ADGRG7: variants seen among roughly 807,000 people sequenced by gnomAD.
ADGRG7 encodes the protein adhesion G protein-coupled receptor G7, also known as G-protein coupled receptor 128.
In ADGRG7, 82 loss-of-function variants were observed where a neutral mutation model predicts 88.6. The observed-to-expected ratio is 0.93, with a 90% CI of 0.77 to 1.11. The LOEUF (loss-of-function observed/expected upper bound fraction) is 1.11, where lower values mean the gene tolerates loss of function less well. Among genes scored for constraint, ADGRG7 ranks in the 50% most tolerant of loss-of-function variants. The probability of loss-of-function intolerance (pLI) is 0.00; values close to 1 mark genes in which losing one functional copy is unlikely to be tolerated. For synonymous variants in ADGRG7, 381 were observed against 345.2 expected (o/e 1.10, Z -1.15); for missense variants, 945 against 953.4 (o/e 0.99, Z 0.12).
chr3:100,645,730 C>T (rs1250464052), intron 8 of ADGRG7, among the ~76,000 whole-genome samples: 1 of 149,906 alleles, frequency 6.7e-6, no homozygotes, highest in Non-Finnish European at 1.5e-5. Context: ...AACTGAAGCT[C>T]AGAAAAAAAA....
In ADGRG7 at chr3:100,646,488, G is replaced by C. The variant is rs74779184; in HGVS notation, c.1111-81G>C. 7.9e-3 allele frequency: 8,326 copies of C among 1,055,926 alleles called. 63 individuals are homozygous for C. Among genetic ancestry groups the C allele is most frequent in the South Asian group, 0.014 (846 of 62,118 alleles). The allele number at this position is 1,055,926 out of a possible 1,614,324, so 65.4% of individuals were successfully genotyped here. On this transcript the variant is annotated intron_variant, in intron 9 of 15. Transcript: ENST00000273352. The stretch of plus-strand genomic sequence containing the variant: ...TATATATTTAATTCATTTCTCAGAT[G>C]ACTGTCTTATACTACTTGATTTTTT...
At chr3:100,629,842 G>A (rs1707435968) in intron 2 of ADGRG7, 131 bp downstream of exon 2, 17 of 622,620 alleles carry the variant, frequency 2.7e-5, no homozygotes, top group Admixed American at 5.7e-5. Flanking sequence ...ATGGCTTTAG[G>A]ATGTGTTTAT....
At chr3:100,629,750 G>C (rs371934429) in intron 2 of ADGRG7, 39 bp downstream of exon 2, 1 of 1,325,164 alleles carries the variant, frequency 7.5e-7, no homozygotes, top group Admixed American at 1.7e-5. Context: ...TAAGGTTTAC[G>C]TCACTCTTGT....
chr3:100,623,355 C>T (rs921628341), intron 1 of ADGRG7, among the ~76,000 whole-genome samples: 13 of 151,986 alleles, frequency 8.6e-5, no homozygotes, highest in South Asian at 2.1e-4. Context: ...TGCCTTGGTA[C>T]GTCTTTAAAA....
chr3:100,689,976 A>G (rs1041243255), intron 15 of ADGRG7, among the ~76,000 whole-genome samples: 3 of 152,184 alleles, frequency 2.0e-5, no homozygotes, highest in African/African-American at 7.2e-5. Flanking sequence ...GTGTTTTCCA[A>G]CTTGGTTCCT....
Position 100,633,396 on chromosome 3 carries a change from T to C in ADGRG7, c.447+19T>C. ...AAAGCAGGTATGCCATATGACTCAC[T>C]GATGGGCAACTGGAAGAAGTTCTGA... On this transcript the variant is annotated intron_variant, in intron 4 of 15. Coordinates refer to ENST00000273352, the MANE Select transcript of ADGRG7 (RefSeq NM_032787.3). 1 of 1,380,962 alleles carries C rather than the reference T, an allele frequency of 7.2e-7. No homozygotes were observed. The highest frequency in any genetic ancestry group is 1.0e-6 in the Non-Finnish European group (1 of 998,330). The allele number at this position is 1,380,962 out of a possible 1,614,324, so 85.5% of individuals were successfully genotyped here.
chr3:100,685,115 C>A (rs1023108032), intron 15 of ADGRG7, among the ~76,000 whole-genome samples: 11 of 152,030 alleles, frequency 7.2e-5, no homozygotes, highest in Admixed American at 5.9e-4. Flanking sequence ...GACTTCCTTA[C>A]TTTAAGGAAA....
At chr3:100,691,220 G>T (rs962743335) in intron 15 of ADGRG7, among the ~76,000 whole-genome samples, 2 of 152,218 alleles carry the variant, frequency 1.3e-5, no homozygotes, top group Admixed American at 1.3e-4. Flanking sequence ...GAAAAGTGCG[G>T]TATTAGGGTG....
rs1311395559 is a variant in ADGRG7 at position 100,655,932 on chromosome 3, G to A, written c.1760G>A (p.Gly587Glu). Reference protein sequence around the residue: ...VPAIVVAITVGVIYSQNGNNP... With the variant: ...VPAIVVAITVEVIYSQNGNNP... ...GCTATAGTAGTGGCTATAACAGTGG[G>A]AGTTATTTATTCTCAGAATGGAAAT... The change falls in exon 13 of 16, where the codon GGA becomes GAA. Residue 587 changes from glycine to glutamate, a missense_variant. By Grantham distance (98) the Gly-to-Glu change is moderately conservative. Coordinates refer to ENST00000273352, the MANE Select transcript of ADGRG7 (RefSeq NM_032787.3). The A allele has an allele frequency of 6.2e-7, 1 of 1,607,168 alleles. No homozygotes were observed. The highest frequency in any genetic ancestry group is 8.5e-7 in the Non-Finnish European group (1 of 1,174,022).
intron 13 of ADGRG7, among the ~76,000 whole-genome samples, chr3:100,658,300 T>G (rs772482373): frequency 6.6e-6 from 1 of 152,352 alleles, no homozygotes; most frequent in East Asian, 1.9e-4. Context: ...TGCAATAGAC[T>G]CCTAGGTATT....
intron 1 of ADGRG7, among the ~76,000 whole-genome samples, chr3:100,610,734 A>G (rs1193925014): frequency 2.0e-5 from 3 of 152,190 alleles, no homozygotes; most frequent in African/African-American, 4.8e-5. Context: ...TCAATGTTGG[A>G]TGGGCTACAT....
chr3:100,654,204 C>T (rs968416186), intron 11 of ADGRG7: 2 of 152,194 alleles, frequency 1.3e-5, no homozygotes, highest in Non-Finnish European at 2.9e-5. Context: ...ACTAGGTTGT[C>T]TCACGTGGAG....
At chr3:100,680,889 T>C (rs1398075577) in intron 15 of ADGRG7, among the ~76,000 whole-genome samples, 1 of 152,216 alleles carries the variant, frequency 6.6e-6, no homozygotes, top group African/African-American at 2.4e-5. Context: ...CATATATCTA[T>C]GATTTCTAGT....
chr3:100,644,684 T>TAA (rs1168839170), intron 8 of ADGRG7, among the ~76,000 whole-genome samples: 8 of 142,364 alleles, frequency 5.6e-5, no homozygotes, highest in African/African-American at 1.8e-4. Flanking sequence ...CCCTGCTAAT[T>TAA]AAAAAAAAAA....
intron 6 of ADGRG7, 98 bp downstream of exon 6, chr3:100,637,500 T>A: frequency 1.3e-6 from 1 of 789,974 alleles, no homozygotes; most frequent in Non-Finnish European, 2.1e-6. Flanking sequence ...CTCTCATGGA[T>A]GCAGTAACTG....
At chr3:100,626,840 T>C (rs1707386913) in intron 1 of ADGRG7, among the ~76,000 whole-genome samples, 1 of 152,252 alleles carries the variant, frequency 6.6e-6, no homozygotes, top group African/African-American at 2.4e-5. Flanking sequence ...TTGTTAGATT[T>C]ATTTCCAAGA....
rs979122502 is a variant in ADGRG7, at chr3:100,616,689, C to T, written c.115+6718C>T. On this transcript the variant is annotated intron_variant, in intron 1 of 15. Coordinates refer to ENST00000273352, the MANE Select transcript of ADGRG7 (RefSeq NM_032787.3). Reference sequence around the variant, plus strand: ...TTTCAAAAATAACCAGGCGTAGTGGCGCCTGCCTGTAGTCTCAGCTACTGG... The same window carrying T: ...TTTCAAAAATAACCAGGCGTAGTGGTGCCTGCCTGTAGTCTCAGCTACTGG... Among the ~76,000 whole-genome samples, 6 of 152,090 alleles carry T rather than the reference C, an allele frequency of 3.9e-5. No individual in the cohort carries two copies. In the South Asian group the frequency reaches 1.0e-3, roughly 26 times the overall value.
At chr3:100,673,645 A>G (rs576858245) in intron 15 of ADGRG7, among the ~76,000 whole-genome samples, 1 of 152,064 alleles carries the variant, frequency 6.6e-6, no homozygotes, top group South Asian at 2.1e-4. Flanking sequence ...TATTTTTAGT[A>G]GAGATGGGGT....
intron 1 of ADGRG7, among the ~76,000 whole-genome samples, chr3:100,617,606 G>A (rs1337653148): frequency 3.3e-5 from 5 of 151,932 alleles, no homozygotes; most frequent in South Asian, 4.2e-4. Context: ...CATACACAAT[G>A]TCTATCATTG....
Sources: gnomAD v4.1 joint callset for allele counts (sites outside exome capture counted in the v4.1 genomes callset) on GRCh38, gnomAD v4.1.1 for gene constraint, MANE v1.5 for transcripts, NCBI Gene and HGNC (gene_info 2026-07-23, HGNC 2026-07-21) for gene names.